The following USH1G variants were observed in gnomAD, a reference collection of about 807,000 sequenced individuals.
USH1G encodes the protein USH1 protein network component sans, also known as pre-mRNA splicing regulator USH1G.
In USH1G, 27 loss-of-function variants were observed where a neutral mutation model predicts 31.9. The observed-to-expected ratio is 0.85, with a 90% CI of 0.62 to 1.17. The LOEUF is 1.17. Ranked by LOEUF, USH1G falls within the 50% of genes most tolerant of loss-of-function variation. The pLI, the probability that USH1G is intolerant of heterozygous loss-of-function variation, is 0.00. For synonymous variants in USH1G, 266 were observed against 283.2 expected (o/e 0.94, Z 0.61); for missense variants, 674 against 638.9 (o/e 1.05, Z -0.59).
chr17:74,919,912 G>A lies in USH1G; in HGVS notation c.924C>T (p.Thr308=), dbSNP rs2038915750. 1 of 1,613,074 alleles carries A rather than the reference G, an allele frequency of 6.2e-7. No individual in the cohort carries two copies. Among genetic ancestry groups the A allele is most frequent in the African/African-American group, 1.3e-5 (1 of 74,940 alleles). Residue 308 remains threonine, a synonymous_variant, in exon 2 of 3, where the codon ACC becomes ACT. Transcript: ENST00000614341. This position sits in a 1 kb window ranked among gnomAD's most constrained non-coding sequence, Gnocchi z 4.5. ...STDSGHDSLF[T]RPGLGTMVFR... is the part of the protein sequence containing the mutation. ...ACACCATGGTGCCCAGGCCGGGGCG[G>A]GTAAACAGGGAGTCGTGGCCTGAGT... is the stretch of plus-strand genomic sequence containing the variant.
rs961248644 is a variant in USH1G at position 74,921,899 on chromosome 17, C to T, written c.164+1011G>A. On this transcript the variant is annotated intron_variant, in intron 1 of 2. Transcript: ENST00000614341. The surrounding 1 kb of genome is among the most constrained non-coding windows in gnomAD (Gnocchi z 4.6). ...AGGCTGCTCCCACCTGATGCTGGGC[C>T]CAAGGAGCAGCCCAAGGAGAGGGCA... 6.6e-6 allele frequency among the ~76,000 whole-genome samples: 1 copy of T among 152,126 alleles called. No homozygotes were observed. Among genetic ancestry groups the T allele is most frequent in the African/African-American group, 2.4e-5 (1 of 41,426 alleles).
chr17:74,920,199 T>C lies in USH1G; in HGVS notation c.637A>G (p.Lys213Glu). ...TCCAGCTTCTTCTGCATCTTGGTCT[T>C]GCCCCTGGCCGTGCCGTGCAGCGTG... ...QATLHGTARG[K>E]TKMQKKLERR... The change falls in exon 2 of 3, where the codon AAG (lysine) becomes GAG (glutamate). Residue 213 changes from lysine to glutamate, a missense_variant. Lys to Glu is a moderately conservative substitution (Grantham distance 56, BLOSUM62 1). Coordinates refer to ENST00000614341, the MANE Select transcript of USH1G (RefSeq NM_173477.5). This position sits in a 1 kb window ranked among gnomAD's most constrained non-coding sequence, Gnocchi z 5.2. The C allele has an allele frequency of 3.1e-6, 5 of 1,602,426 alleles. No individual in the cohort carries two copies. Among genetic ancestry groups the C allele is most frequent in the South Asian group, 1.1e-5 (1 of 91,082 alleles).
rs1295944105 is a variant in USH1G, at chr17:74,922,914, G to A, written c.160C>T (p.Arg54Cys). 2 of 1,545,394 alleles carry A rather than the reference G, an allele frequency of 1.3e-6. No homozygotes were observed. The highest frequency in any genetic ancestry group is 2.0e-5 in the Admixed American group (1 of 50,900). Residue 54 changes from arginine (R) to cysteine (C), a missense_variant, in exon 1 of 3, where the codon CGC becomes TGC. Arg to Cys is a radical substitution (Grantham distance 180, BLOSUM62 -3). Coordinates refer to ENST00000614341, the MANE Select transcript of USH1G (RefSeq NM_173477.5). Reference sequence around the variant, plus strand: ...CACTGGGTGGGGCGTACTCACCCGCGGCTCACAATGAGACGCAGCGACTCG... The same window carrying A: ...CACTGGGTGGGGCGTACTCACCCGCAGCTCACAATGAGACGCAGCGACTCG... ...NLESLRLIVS[R>C]GGDPDKCDIW...
intron 1 of USH1G, among the ~76,000 whole-genome samples, chr17:74,922,275 G>A (rs978746065): frequency 6.6e-6 from 1 of 151,458 alleles, no homozygotes; most frequent in Non-Finnish European, 1.5e-5. Flanking sequence ...GGGAGGGGGA[G>A]GGAAGAGAAG....
rs567068805 is a variant in USH1G at position 74,923,086 on chromosome 17, G to T, written c.-13C>A. 9 of 1,569,618 alleles carry T rather than the reference G, an allele frequency of 5.7e-6. No homozygotes were observed. The African/African-American group carries it at 9.4e-5, about 16-fold the overall frequency. On this transcript the variant is annotated 5_prime_UTR_variant, in exon 1 of 3. Coordinates refer to ENST00000614341, the MANE Select transcript of USH1G (RefSeq NM_173477.5). The surrounding 1 kb of genome is among the most constrained non-coding windows in gnomAD (Gnocchi z 5.3). ...ACTGGTCGTTCATGGCGCCCGAAGT[G>T]GACGGGGCGGGCGGGGGACACGGAG... is the stretch of plus-strand genomic sequence containing the variant.
In USH1G at chr17:74,920,390, T is replaced by C; in HGVS notation, c.446A>G (p.Glu149Gly). 6.2e-7 allele frequency: 1 copy of C among 1,613,154 alleles called. No homozygotes were observed. Among genetic ancestry groups the C allele is most frequent in the Non-Finnish European group, 8.5e-7 (1 of 1,180,010 alleles). Residue 149 changes from glutamate (E) to glycine (G), a missense_variant, in exon 2 of 3, where the codon GAG (glutamate) becomes GGG (glycine). Coordinates refer to ENST00000614341, the MANE Select transcript of USH1G (RefSeq NM_173477.5). This position sits in a 1 kb window ranked among gnomAD's most constrained non-coding sequence, Gnocchi z 5.2. ...GTGCCTCCGCTGCAGCTTGGCGCAC[T>C]CGCGGATGCGCCGCTCCGCCTCGCG... ...AFREAERRIR[E>G]CAKLQRRHHE...
chr17:74,918,112 A>T lies in USH1G; in HGVS notation c.1383-36T>A, dbSNP rs546608451. ...AGAGACAGAAAGAAACAGATCTCAC[A>T]TGAGGCCCTCCAGAGGCATCATTTT... On this transcript the variant is annotated intron_variant, in intron 2 of 2. Coordinates refer to ENST00000614341, the MANE Select transcript of USH1G (RefSeq NM_173477.5). This position sits in a 1 kb window ranked among gnomAD's most constrained non-coding sequence, Gnocchi z 4.1. 18 of 1,613,486 alleles carry T rather than the reference A, an allele frequency of 1.1e-5. No homozygotes were observed. The African/African-American group carries it at 2.4e-4, about 22-fold the overall frequency.
At position 74,920,739 on chromosome 17, in the gene USH1G, A is replaced by C; in HGVS notation, c.165-68T>G. Reference sequence around the variant, plus strand: ...CTGGGGATGGAGGTGGAGGGAGTGGAGGGGGGAGGGGAGCTTCCCCACTGT... The same window carrying C: ...CTGGGGATGGAGGTGGAGGGAGTGGCGGGGGGAGGGGAGCTTCCCCACTGT... On this transcript the variant is annotated intron_variant, in intron 1 of 2. Coordinates refer to ENST00000614341, the MANE Select transcript of USH1G (RefSeq NM_173477.5). This position sits in a 1 kb window ranked among gnomAD's most constrained non-coding sequence, Gnocchi z 5.2. The C allele has an allele frequency of 3.6e-6, 4 of 1,119,580 alleles. No individual in the cohort carries two copies. Among genetic ancestry groups the C allele is most frequent in the Non-Finnish European group, 3.9e-6 (3 of 775,914 alleles). 69.4% of individuals were successfully genotyped at this position (1,119,580 alleles called of 1,614,324 possible).
rs1383659863 is a variant in USH1G at position 74,920,843 on chromosome 17, G to T, written c.165-172C>A. 6.6e-6 allele frequency among the ~76,000 whole-genome samples: 1 copy of T among 152,122 alleles called. No individual in the cohort carries two copies. The highest frequency in any genetic ancestry group is 1.5e-5 in the Non-Finnish European group (1 of 68,006). ...CCTGCAGGCCTGAGCCACCCAACAG[G>T]TGAGCCCAGGGGTGAGCCCAGGGGA... On this transcript the variant is annotated intron_variant, in intron 1 of 2. Coordinates refer to ENST00000614341, the MANE Select transcript of USH1G (RefSeq NM_173477.5). This position sits in a 1 kb window ranked among gnomAD's most constrained non-coding sequence, Gnocchi z 5.2.
rs1440042762 is a variant in USH1G, at chr17:74,919,429, C to T, written c.1382+25G>A. On this transcript the variant is annotated intron_variant, in intron 2 of 2. Transcript: ENST00000614341. This position sits in a 1 kb window ranked among gnomAD's most constrained non-coding sequence, Gnocchi z 4.5. ...GGCCTTCCAACTCCTGCTCCTCCAT[C>T]CCCCCCGCCAGGCTGGACACTCACA... is the stretch of plus-strand genomic sequence containing the variant. 4 of 1,580,176 alleles carry T rather than the reference C, an allele frequency of 2.5e-6. No individual in the cohort carries two copies. In the African/African-American group the frequency reaches 4.1e-5, roughly 16 times the overall value.
At position 74,920,360 on chromosome 17, in the gene USH1G, T is replaced by TCG. The variant is rs1567940309; in HGVS notation, c.474_475dup (p.Glu159AlafsTer29). The TCG allele has an allele frequency of 6.2e-7, 1 of 1,612,324 alleles. No homozygotes were observed. The highest frequency in any genetic ancestry group is 8.5e-7 in the Non-Finnish European group (1 of 1,179,886). ...GCGCCGGTATCGCCGCTCCATGCGT[T>TCG]CGTGGTGCCTCCGCTGCAGCTTGGC... On this transcript the variant is annotated frameshift_variant, in exon 2 of 3. Transcript: ENST00000614341. LOFTEE classifies it high-confidence loss of function. The surrounding 1 kb of genome is among the most constrained non-coding windows in gnomAD (Gnocchi z 5.2).
Position 74,918,082 on chromosome 17 carries a change from G to A in USH1G, c.1383-6C>T. The stretch of plus-strand genomic sequence containing the variant: ...GGAGAGGAGCCCCCGGTTATCTGTG[G>A]AGGAAGAGACAGAAAGAAACAGATC... On this transcript the variant is annotated splice_region_variant and splice_polypyrimidine_tract_variant and intron_variant, in intron 2 of 2. Transcript: ENST00000614341. This position sits in a 1 kb window ranked among gnomAD's most constrained non-coding sequence, Gnocchi z 4.1. 1 of 1,614,070 alleles carries A rather than the reference G, an allele frequency of 6.2e-7. No homozygotes were observed.
At position 74,919,469 on chromosome 17, in the gene USH1G, AGGGCCGGC is replaced by A; in HGVS notation, c.1359_1366del (p.Pro454GlyfsTer82). On this transcript the variant is annotated frameshift_variant, in exon 2 of 3. Transcript: ENST00000614341. LOFTEE classifies it high-confidence loss of function. This position sits in a 1 kb window ranked among gnomAD's most constrained non-coding sequence, Gnocchi z 4.5. Reference sequence around the variant, plus strand: ...GGACACTCACAGCTCTGTGTCCTCCAGGGCCGGCGGGCGCTCCATCGCCTGCCGCCGCC... The same window carrying A: ...GGACACTCACAGCTCTGTGTCCTCCAGGGCGCTCCATCGCCTGCCGCCGCC... 6.2e-7 allele frequency: 1 copy of A among 1,603,518 alleles called. No homozygotes were observed. The highest frequency in any genetic ancestry group is 8.5e-7 in the Non-Finnish European group (1 of 1,177,870).
chr17:74,918,053 C>A lies in USH1G; in HGVS notation c.*20G>T. Reference sequence around the variant, plus strand: ...GTGGCAACTTGCAATTCATTTTGGTCTGGGGAGAGGAGCCCCCGGTTATCT... The same window carrying A: ...GTGGCAACTTGCAATTCATTTTGGTATGGGGAGAGGAGCCCCCGGTTATCT... On this transcript the variant is annotated 3_prime_UTR_variant, in exon 3 of 3. Coordinates refer to ENST00000614341, the MANE Select transcript of USH1G (RefSeq NM_173477.5). This position sits in a 1 kb window ranked among gnomAD's most constrained non-coding sequence, Gnocchi z 4.1. The A allele has an allele frequency of 6.2e-7, 1 of 1,614,068 alleles. No homozygotes were observed. Among genetic ancestry groups the A allele is most frequent in the South Asian group, 1.1e-5 (1 of 91,046 alleles).
rs113503320 is a variant in USH1G at position 74,919,787 on chromosome 17, G to C, written c.1049C>G (p.Pro350Arg). The C allele has an allele frequency of 6.2e-7, 1 of 1,612,894 alleles. No homozygotes were observed. Among genetic ancestry groups the C allele is most frequent in the Non-Finnish European group, 8.5e-7 (1 of 1,179,978 alleles). The change falls in exon 2 of 3, where the codon CCC (proline) becomes CGC (arginine). Residue 350 changes from proline (P) to arginine (R), a missense_variant. Coordinates refer to ENST00000614341, the MANE Select transcript of USH1G (RefSeq NM_173477.5). This position sits in a 1 kb window ranked among gnomAD's most constrained non-coding sequence, Gnocchi z 4.5. The part of the protein sequence containing the change: ...GAPRGRLQSS[P>R]SLDDDSLGSA... ...GCCCAGGCTGTCATCGTCCAGGCTG[G>C]GGGAGCTCTGCAGCCGACCCCGCGG...
chr17:74,919,931 C>T lies in USH1G; in HGVS notation c.905G>A (p.Gly302Asp). The T allele has an allele frequency of 6.2e-7, 1 of 1,612,824 alleles. No individual in the cohort carries two copies. Among genetic ancestry groups the T allele is most frequent in the Non-Finnish European group, 8.5e-7 (1 of 1,179,712 alleles). ...GGGGCGGGTAAACAGGGAGTCGTGG[C>T]CTGAGTCGGTGCTGACCTCCGAGTG... ...PAHSEVSTDS[G>D]HDSLFTRPGL... Residue 302 changes from glycine (G) to aspartate (D), a missense_variant, in exon 2 of 3, where the codon GGC becomes GAC. Coordinates refer to ENST00000614341, the MANE Select transcript of USH1G (RefSeq NM_173477.5). The surrounding 1 kb of genome is among the most constrained non-coding windows in gnomAD (Gnocchi z 4.5).
At position 74,920,413 on chromosome 17, in the gene USH1G, G is replaced by A. The variant is rs1192335299; in HGVS notation, c.423C>T (p.Arg141=). The A allele has an allele frequency of 8.7e-6, 14 of 1,613,486 alleles. No homozygotes were observed. The highest frequency in any genetic ancestry group is 1.3e-5 in the African/African-American group (1 of 75,072). Residue 141 remains arginine (R), a synonymous_variant, in exon 2 of 3, where the codon CGC becomes CGT. Transcript: ENST00000614341. The surrounding 1 kb of genome is among the most constrained non-coding windows in gnomAD (Gnocchi z 5.2). ...ACTCGCGGATGCGCCGCTCCGCCTC[G>A]CGGAAGGCCTTGTCCTTCAGCTTAC... is the stretch of plus-strand genomic sequence containing the variant. ...LVGKLKDKAF[R]EAERRIRECA... is the part of the protein sequence containing the mutation.
chr17:74,922,829 G>T, intron 1 of USH1G, 81 bp downstream of exon 1: 1 of 1,461,798 alleles, frequency 6.8e-7, no homozygotes, highest in African/African-American at 1.4e-5. Flanking sequence ...GCAGGGGAAG[G>T]AGGCAGCTCA....
chr17:74,919,403 G>A lies in USH1G; in HGVS notation c.1382+51C>T. 1 of 1,552,156 alleles carries A rather than the reference G, an allele frequency of 6.4e-7. No individual in the cohort carries two copies. Among genetic ancestry groups the A allele is most frequent in the Non-Finnish European group, 8.7e-7 (1 of 1,152,426 alleles). On this transcript the variant is annotated intron_variant, in intron 2 of 2. Transcript: ENST00000614341. This position sits in a 1 kb window ranked among gnomAD's most constrained non-coding sequence, Gnocchi z 4.5. ...AGGCAGATCTGTACCCCCTCCCCAG[G>A]GGCCTTCCAACTCCTGCTCCTCCAT...
Sources: gnomAD v4.1 joint callset for allele counts (sites outside exome capture counted in the v4.1 genomes callset) on GRCh38, gnomAD v4.1.1 for gene constraint, Gnocchi (gnomAD v3.1) non-coding constraint, MANE v1.5 for transcripts, NCBI Gene and HGNC (gene_info 2026-07-23, HGNC 2026-07-21) for gene names.